Variants in ZNF611 observed in about 807,000 individuals in gnomAD.
ZNF611 encodes the protein zinc finger protein 611.
Under a neutral mutation model 8.9 loss-of-function variants are expected in ZNF611, and 6 were observed. That is an observed-to-expected ratio of 0.68 (90% CI 0.37 to 1.34). The LOEUF (loss-of-function observed/expected upper bound fraction) is 1.34. Among genes scored for constraint, ZNF611 ranks in the 40% most tolerant of loss-of-function variants. ZNF611 has a pLI of 0.02. For missense variants in ZNF611, 874 were observed against 841.3 expected (o/e 1.04, Z -0.48); for synonymous variants, 262 against 279.7 (o/e 0.94, Z 0.63).
Position 52,705,449 on chromosome 19 carries a change from T to C in ZNF611, c.1606A>G (p.Lys536Glu), listed in dbSNP as rs1681864521. Residue 536 changes from lysine (K) to glutamate (E), a missense_variant, in exon 6 of 6, where the codon AAA (lysine) becomes GAA (glutamate). Transcript: ENST00000652185. ...TCACAAACCTTACATTTGTATGGTT[T>C]CTCTCCAGTATGACCTATCTTATGT... Reference protein sequence around the residue: ...ETHKIGHTGEKPYKCKVCDKA... With the variant: ...ETHKIGHTGEEPYKCKVCDKA... 2 of 1,614,212 alleles carry C rather than the reference T, an allele frequency of 1.2e-6. No individual in the cohort carries two copies. The highest frequency in any genetic ancestry group is 2.2e-5 in the South Asian group (2 of 91,078).
At chr19:52,717,412 A>G (rs974302864) in intron 3 of ZNF611, among the ~76,000 whole-genome samples, 1 of 152,194 alleles carries the variant, frequency 6.6e-6, no homozygotes, top group African/African-American at 2.4e-5. Flanking sequence ...TCCTAGGCAG[A>G]GGGACAGCTC....
intron 4 of ZNF611, among the ~76,000 whole-genome samples, chr19:52,715,383 A>C (rs1367556758): frequency 1.3e-5 from 2 of 152,224 alleles, no homozygotes; most frequent in Non-Finnish European, 2.9e-5. Context: ...TGAAACCAGG[A>C]GGCAGAGGTT....
intron 3 of ZNF611, among the ~76,000 whole-genome samples, chr19:52,728,360 G>T (rs1233081844): frequency 1.3e-5 from 2 of 152,102 alleles, no homozygotes; most frequent in Non-Finnish European, 2.9e-5. Context: ...CCAACATGGT[G>T]AAACCCCATC....
At chr19:52,732,259 A>C (rs68175587) in intron 1 of ZNF611, among the ~76,000 whole-genome samples, 1 of 128,670 alleles carries the variant, frequency 7.8e-6, no homozygotes, top group Non-Finnish European at 1.7e-5. Context: ...GACAGAGCAA[A>C]ACTCCATCTC....
chr19:52,713,451 TCATA>T (rs1273128139), intron 5 of ZNF611, among the ~76,000 whole-genome samples: 1 of 152,154 alleles, frequency 6.6e-6, no homozygotes, highest in African/African-American at 2.4e-5. Context: ...GTCAAGAGCC[TCATA>T]CATATGAGGC....
At position 52,714,024 on chromosome 19, in the gene ZNF611, C is replaced by G. The variant is rs764420877; in HGVS notation, c.181G>C (p.Glu61Gln). ...EVMLENYRNL[E>Q]AVDISSKCMM... is the part of the protein sequence containing the mutation. Reference sequence around the variant, plus strand: ...GGGACATTTTCCTCACCCACAGCCTCCAGGTTCCTGTAGTTCTCCAACATC... The same window carrying G: ...GGGACATTTTCCTCACCCACAGCCTGCAGGTTCCTGTAGTTCTCCAACATC... The change falls in exon 5 of 6, where the codon GAG becomes CAG. Residue 61 changes from glutamate (E) to glutamine (Q), a missense_variant. Glu to Gln is a conservative substitution (Grantham distance 29). Coordinates refer to ENST00000652185, the MANE Select transcript of ZNF611 (RefSeq NM_001161499.2). The G allele has an allele frequency of 4.3e-6, 7 of 1,614,114 alleles. No individual in the cohort carries two copies. Among genetic ancestry groups the G allele is most frequent in the Non-Finnish European group, 5.9e-6 (7 of 1,180,006 alleles).
At chr19:52,734,954 G>T in intron 1 of ZNF611, 47 bp downstream of exon 1, 1 of 152,558 alleles carries the variant, frequency 6.6e-6, no homozygotes, top group South Asian at 2.0e-4. Context: ...CAGAAGCCCT[G>T]GGAACCTAGT....
chr19:52,712,456 T>TAAAAAAAAAAAAAAA, intron 5 of ZNF611, among the ~76,000 whole-genome samples: 1 of 37,436 alleles, frequency 2.7e-5, no homozygotes, highest in Non-Finnish European at 4.5e-5. Context: ...CTGTCTCTAC[T>TAAAAAAAAAAAAAAA]AAAAAAAAAA....
chr19:52,733,860 CATCT>C (rs1264494091), intron 1 of ZNF611, among the ~76,000 whole-genome samples: 8 of 152,132 alleles, frequency 5.3e-5, no homozygotes, highest in African/African-American at 1.7e-4. Context: ...CCTCAATCTC[CATCT>C]ATTTCTGCCT....
In ZNF611 at chr19:52,704,677, TCATTA is replaced by T. The variant is rs1192802518; in HGVS notation, c.*255_*259del. ...AGCATTACTGAAGACTTTGTGACAA[TCATTA>T]CATTAGTCAAGTTTCCCTACACCAT... is the stretch of plus-strand genomic sequence containing the variant. On this transcript the variant is annotated 3_prime_UTR_variant, in exon 6 of 6. Coordinates refer to ENST00000652185, the MANE Select transcript of ZNF611 (RefSeq NM_001161499.2). The T allele has an allele frequency of 2.9e-5, 46 of 1,596,412 alleles. No homozygotes were observed. Among genetic ancestry groups the T allele is most frequent in the South Asian group, 1.7e-4 (15 of 90,354 alleles).
Position 52,704,726 on chromosome 19 carries a change from T to TA in ZNF611, c.*210dup, listed in dbSNP as rs2062227276. 8 of 1,599,636 alleles carry TA rather than the reference T, an allele frequency of 5.0e-6. No homozygotes were observed. In the Admixed American group the frequency reaches 8.4e-5, roughly 17 times the overall value. On this transcript the variant is annotated 3_prime_UTR_variant, in exon 6 of 6. Transcript: ENST00000652185. The stretch of plus-strand genomic sequence containing the variant: ...ACACCATGAATTGCCTGATGGTGAA[T>TA]AAGTGTTGACTGCTTGCCAAAGGCT...
Position 52,716,827 on chromosome 19 carries a change from C to A in ZNF611, c.-19-914G>T, listed in dbSNP as rs1011964016. Reference sequence around the variant, plus strand: ...ATCCCAGCACTGTGGGAGGCCAAGGCAGTCAGACCACTTGGGGTGAAGAGG... The same window carrying A: ...ATCCCAGCACTGTGGGAGGCCAAGGAAGTCAGACCACTTGGGGTGAAGAGG... On this transcript the variant is annotated intron_variant, in intron 3 of 5. Transcript: ENST00000652185. 1.1e-4 allele frequency among the ~76,000 whole-genome samples: 16 copies of A among 152,118 alleles called. 1 individual carries two copies. The highest frequency in any genetic ancestry group is 1.0e-3 in the Admixed American group (16 of 15,262).
chr19:52,710,216 T>G (rs1465464104), intron 5 of ZNF611, among the ~76,000 whole-genome samples: 1 of 151,156 alleles, frequency 6.6e-6, no homozygotes, highest in Non-Finnish European at 1.5e-5. Context: ...CATGCCACCA[T>G]GCCTGGCTAA....
chr19:52,734,335 A>G (rs368768094), intron 1 of ZNF611, among the ~76,000 whole-genome samples: 2 of 152,038 alleles, frequency 1.3e-5, no homozygotes, highest in African/African-American at 4.8e-5. Flanking sequence ...TTTGGCCCAC[A>G]CAATCGCAAC....
In ZNF611 at chr19:52,705,058, G is replaced by C. The variant is rs1371599661; in HGVS notation, c.1997C>G (p.Ser666Ter). ...TGCAGTGTGAATTCTGGTATGTCTT[G>C]ACAGGAGTGAATTACGCACGAAAGC... The part of the protein sequence containing the change: ...DKAFVRNSLL[S>*]RHTRIHTAEK... The change falls in exon 6 of 6, where the codon TCA becomes TGA. Residue 666 changes from serine (S) to a stop codon, truncating the protein, a stop_gained. Transcript: ENST00000652185. LOFTEE classifies it low-confidence loss of function (END_TRUNC). 6.2e-7 allele frequency: 1 copy of C among 1,613,956 alleles called. No individual in the cohort carries two copies. Among genetic ancestry groups the C allele is most frequent in the Non-Finnish European group, 8.5e-7 (1 of 1,180,020 alleles).
chr19:52,711,326 C>T (rs1287418175), intron 5 of ZNF611: 2 of 150,170 alleles, frequency 1.3e-5, no homozygotes, highest in African/African-American at 5.0e-5. Flanking sequence ...GAGCAAAACT[C>T]TTTCTCAAAC....
chr19:52,711,644 G>C (rs2062280878), intron 5 of ZNF611, among the ~76,000 whole-genome samples: 1 of 152,222 alleles, frequency 6.6e-6, no homozygotes, highest in African/African-American at 2.4e-5. Flanking sequence ...GCTGCTGACA[G>C]TGGTTCTGAA....
At chr19:52,726,612 G>A (rs1280700120) in intron 3 of ZNF611, among the ~76,000 whole-genome samples, 1 of 151,544 alleles carries the variant, frequency 6.6e-6, no homozygotes, top group Non-Finnish European at 1.5e-5. Context: ...TAGAGAAGGG[G>A]TTTCACTGTG....
chr19:52,716,040 T>C (rs2062315120), intron 3 of ZNF611, 127 bp from the exon 4 acceptor site: 4 of 1,064,424 alleles, frequency 3.8e-6, no homozygotes, highest in Middle Eastern at 2.1e-4. Context: ...GCACCAGAGA[T>C]CATGCAGAGA....
Sources: allele counts gnomAD v4.1 joint callset (sites outside exome capture counted in the v4.1 genomes callset), GRCh38; gene constraint gnomAD v4.1.1; transcripts MANE v1.5; gene names NCBI Gene and HGNC (gene_info 2026-07-23, HGNC 2026-07-21).